Variants in ABCD3 observed in about 807,000 individuals in gnomAD.
ABCD3 encodes the protein ATP binding cassette subfamily D member 3.
A neutral mutation model predicts 105.5 loss-of-function variants in ABCD3; 41 were observed. That is an observed-to-expected ratio of 0.39 (90% CI 0.30 to 0.50). ABCD3 has a LOEUF of 0.50. ABCD3 is among the 20% of genes least tolerant of loss of function. The pLI is 0.84. For synonymous variants in ABCD3, 258 were observed against 269.0 expected, an observed-to-expected ratio of 0.96 and a Z score of 0.40; for missense variants, 622 against 806.3, an observed-to-expected ratio of 0.77 and a Z score of 2.77.
At chr1:94,396,494 C>G in the ABCD3 span, among the ~76,000 whole-genome samples, 1 of 152,170 alleles carries the variant, frequency 6.6e-6, no homozygotes, top group African/African-American at 2.4e-5. Flanking sequence ...CAGGGGTCAC[C>G]ATCAAGTCAG....
At chr1:94,408,132 G>A in the ABCD3 span, among the ~76,000 whole-genome samples, 1 of 152,178 alleles carries the variant, frequency 6.6e-6, no homozygotes, top group Non-Finnish European at 1.5e-5. Context: ...AAACCAGTAC[G>A]ATACAGAGCT....
At chr1:94,481,122 C>T (rs547724235) in intron 9 of ABCD3, among the ~76,000 whole-genome samples, 22 of 152,204 alleles carry the variant, frequency 1.4e-4, no homozygotes, top group Middle Eastern at 3.4e-3. Context: ...TTGATTTTAG[C>T]GAATTATTCA....
At chr1:94,456,461 A>G (rs2100954604) in intron 1 of ABCD3, among the ~76,000 whole-genome samples, 1 of 150,570 alleles carries the variant, frequency 6.6e-6, no homozygotes, top group East Asian at 2.0e-4. Flanking sequence ...TTATTTTAGT[A>G]GAGACAGAGT....
At chr1:94,410,698 A>C in the ABCD3 span, among the ~76,000 whole-genome samples, 1 of 152,216 alleles carries the variant, frequency 6.6e-6, no homozygotes, top group Non-Finnish European at 1.5e-5. Context: ...ATGTCATAGA[A>C]GGAACCATGA....
intron 1 of ABCD3, among the ~76,000 whole-genome samples, chr1:94,434,444 C>G (rs1659819498): frequency 6.6e-6 from 1 of 152,008 alleles, no homozygotes; most frequent in Non-Finnish European, 1.5e-5. Context: ...TATTATCAAG[C>G]ATTAAGTACT....
chr1:94,445,294 T>C (rs375444710), intron 1 of ABCD3, among the ~76,000 whole-genome samples: 37 of 152,238 alleles, frequency 2.4e-4, no homozygotes, highest in African/African-American at 8.9e-4. Context: ...AAGGTGGTCT[T>C]GGCAAGTGGC....
chr1:94,397,061 C>CT, the ABCD3 span, among the ~76,000 whole-genome samples: 8 of 152,124 alleles, frequency 5.3e-5, no homozygotes, highest in African/African-American at 1.9e-4. Context: ...TGATTAGACA[C>CT]TTTTTTTTAT....
chr1:94,475,415 C>T (rs1313733470), intron 6 of ABCD3, among the ~76,000 whole-genome samples, 175 bp downstream of exon 6: 1 of 152,098 alleles, frequency 6.6e-6, no homozygotes, highest in African/African-American at 2.4e-5. Context: ...CTGGCTCTTC[C>T]ATTAATTGAC....
intron 1 of ABCD3, among the ~76,000 whole-genome samples, chr1:94,444,274 T>C (rs1392368947): frequency 1.3e-5 from 2 of 150,144 alleles, no homozygotes; most frequent in East Asian, 3.9e-4. Context: ...GGAGGTTGCA[T>C]TGAGCCAGGA....
At chr1:94,513,663 A>G (rs1011838759) in intron 21 of ABCD3, 5 of 152,120 alleles carry the variant, frequency 3.3e-5, no homozygotes, top group African/African-American at 1.2e-4. Context: ...AAGGAAAGAT[A>G]GAATCTGAGG....
intron 1 of ABCD3, among the ~76,000 whole-genome samples, chr1:94,423,885 G>A (rs1557657230): frequency 6.6e-6 from 1 of 151,966 alleles, no homozygotes; most frequent in African/African-American, 2.4e-5. Context: ...CCTTAAATCT[G>A]CCCCATTCAA....
the ABCD3 span, among the ~76,000 whole-genome samples, chr1:94,390,199 C>T: frequency 1.3e-5 from 2 of 152,222 alleles, no homozygotes; most frequent in African/African-American, 2.4e-5. Context: ...AATTCACCCT[C>T]ATTACCATGG....
chr1:94,499,817 A>G (rs1043752232), intron 20 of ABCD3, among the ~76,000 whole-genome samples: 3 of 152,224 alleles, frequency 2.0e-5, no homozygotes, highest in Non-Finnish European at 4.4e-5. Context: ...CCCTGCCAGT[A>G]TCTATGAAAG....
chr1:94,491,319 A>C (rs944217435), intron 16 of ABCD3, 72 bp downstream of exon 16: 3 of 1,179,764 alleles, frequency 2.5e-6, no homozygotes, highest in Non-Finnish European at 3.8e-6. Flanking sequence ...TTACCTGAAT[A>C]TTTAAAGTAA....
At chr1:94,468,194 G>T (rs543156766) in intron 4 of ABCD3, among the ~76,000 whole-genome samples, 187 bp downstream of exon 4, 1 of 152,168 alleles carries the variant, frequency 6.6e-6, no homozygotes, top group Non-Finnish European at 1.5e-5. Context: ...GTGCTATACT[G>T]TGATGGGGTC....
At chr1:94,412,779 T>C in the ABCD3 span, among the ~76,000 whole-genome samples, 2 of 152,234 alleles carry the variant, frequency 1.3e-5, no homozygotes, top group South Asian at 4.1e-4. Flanking sequence ...TTTGGGGTCT[T>C]TGCCAATCTG....
intron 1 of ABCD3, among the ~76,000 whole-genome samples, chr1:94,422,195 C>T (rs1249938600): frequency 7.2e-5 from 11 of 152,314 alleles, no homozygotes; most frequent in South Asian, 4.1e-4. Context: ...CCCCAACCCC[C>T]GGGCTGTGGA....
At position 94,418,645 on chromosome 1, in the gene ABCD3, G is replaced by T. The variant is rs966865024; in HGVS notation, c.110+57G>T. 52 of 1,520,166 alleles carry T rather than the reference G, an allele frequency of 3.4e-5. No homozygotes were observed. The African/African-American group carries it at 5.9e-4, about 17-fold the overall frequency. The allele number at this position is 1,520,166 out of a possible 1,614,324, so 94.2% of individuals were successfully genotyped here. The stretch of plus-strand genomic sequence containing the variant: ...GGGCTGGAGCGGGCGCTCCCCGCGC[G>T]CTCTCTCTCCCCACCCGGCCGACAG... On this transcript the variant is annotated intron_variant, in intron 1 of 22. Coordinates refer to ENST00000370214, the MANE Select transcript of ABCD3 (RefSeq NM_002858.4).
intron 1 of ABCD3, among the ~76,000 whole-genome samples, chr1:94,453,189 C>G (rs909512039): frequency 6.6e-6 from 1 of 152,052 alleles, no homozygotes; most frequent in African/African-American, 2.4e-5. Context: ...TAGAACTCCC[C>G]GGTAAATCGT....
Sources: allele counts gnomAD v4.1 joint callset (sites outside exome capture counted in the v4.1 genomes callset), GRCh38; gene constraint gnomAD v4.1.1; transcripts MANE v1.5; gene names NCBI Gene and HGNC (gene_info 2026-07-23, HGNC 2026-07-21).